GRM7: variants seen among roughly 807,000 people sequenced by gnomAD.
GRM7 encodes the protein metabotropic glutamate receptor 7.
A neutral mutation model predicts 84.5 loss-of-function variants in GRM7; 35 were observed. The observed-to-expected ratio is 0.41, with a 90% CI of 0.32 to 0.55. The LOEUF (loss-of-function observed/expected upper bound fraction) is 0.55. Ranked by LOEUF, GRM7 falls within the 20% of genes least tolerant of loss-of-function variation. GRM7 has a pLI of 0.19. For synonymous variants in GRM7, 487 were observed against 455.1 expected (o/e 1.07, Z -0.89); for missense variants, 1,003 against 1,194.6 (o/e 0.84, Z 2.36).
intron 4 of GRM7, among the ~76,000 whole-genome samples, chr3:7,309,191 T>C (rs2125038629): frequency 6.6e-6 from 1 of 152,336 alleles, no homozygotes; most frequent in African/African-American, 2.4e-5. Context: ...TTCACTTTCG[T>C]AGCAGACAGA....
intron 1 of GRM7, among the ~76,000 whole-genome samples, chr3:7,137,888 A>T (rs1693821012): frequency 6.6e-6 from 1 of 152,116 alleles, no homozygotes; most frequent in Non-Finnish European, 1.5e-5. Context: ...CTGTCAGTTC[A>T]TTCAAACTGA....
chr3:6,953,545 A>G (rs1434622616), intron 1 of GRM7, among the ~76,000 whole-genome samples: 1 of 152,186 alleles, frequency 6.6e-6, no homozygotes, highest in African/African-American at 2.4e-5. Flanking sequence ...AGTAGCCTCA[A>G]TGTCTCTTTC....
chr3:7,471,280 A>C (rs895221184), intron 7 of GRM7, among the ~76,000 whole-genome samples: 1 of 151,948 alleles, frequency 6.6e-6, no homozygotes, highest in East Asian at 1.9e-4. Flanking sequence ...TCTTTAGGTT[A>C]GAAGTCCAAC....
chr3:6,912,951 G>A (rs562387077), intron 1 of GRM7, among the ~76,000 whole-genome samples: 2 of 152,216 alleles, frequency 1.3e-5, no homozygotes, highest in East Asian at 3.9e-4. Context: ...ATTACATGTT[G>A]TTTTGAGTGA....
At chr3:7,102,610 C>CA (rs1404440465) in intron 1 of GRM7, among the ~76,000 whole-genome samples, 1 of 151,664 alleles carries the variant, frequency 6.6e-6, no homozygotes, top group Non-Finnish European at 1.5e-5. Context: ...AATTGGAGAA[C>CA]ATTTATCTAG....
At chr3:7,345,661 A>G (rs1197743359) in intron 4 of GRM7, among the ~76,000 whole-genome samples, 1 of 152,084 alleles carries the variant, frequency 6.6e-6, no homozygotes, top group South Asian at 2.1e-4. Flanking sequence ...TAATAAATAC[A>G]TATTTGAATA....
intron 8 of GRM7, among the ~76,000 whole-genome samples, chr3:7,597,041 C>T (rs899809752): frequency 2.6e-5 from 4 of 152,090 alleles, no homozygotes; most frequent in South Asian, 4.2e-4. Context: ...CATTATTATT[C>T]GGCTATAAAG....
chr3:7,572,955 A>G (rs1032873844), intron 7 of GRM7, among the ~76,000 whole-genome samples: 2 of 146,852 alleles, frequency 1.4e-5, no homozygotes, highest in African/African-American at 5.0e-5. Context: ...TAAGTTTTGA[A>G]TAAGTGGAAT....
chr3:7,677,262 T>TAAAA (rs557488794), intron 8 of GRM7, among the ~76,000 whole-genome samples: 576 of 36,076 alleles, frequency 0.016, 5 homozygotes, highest in South Asian at 0.057. Flanking sequence ...ACTCTGTCTT[T>TAAAA]AAAAAAAAAA....
chr3:7,529,912 C>CT (rs58585620), intron 7 of GRM7, among the ~76,000 whole-genome samples: 56,282 of 139,824 alleles, frequency 0.4, 11,764 homozygotes, highest in East Asian at 0.52. Context: ...AGGACCTTTT[C>CT]TTTTTTTTTT....
intron 2 of GRM7, among the ~76,000 whole-genome samples, chr3:7,257,830 C>A (rs1698264748): frequency 6.6e-6 from 1 of 152,114 alleles, no homozygotes; most frequent in Non-Finnish European, 1.5e-5. Context: ...CTGAGATATT[C>A]CTACACTGAG....
chr3:6,997,734 G>C (rs1245245578), intron 1 of GRM7, among the ~76,000 whole-genome samples: 1 of 152,088 alleles, frequency 6.6e-6, no homozygotes. Context: ...CTTCCCAACA[G>C]TTCCCCAAAG....
rs369799542 is a variant in GRM7 at position 7,326,833 on chromosome 3, C to CAA, written c.1033+20196_1033+20197dup. On this transcript the variant is annotated intron_variant, in intron 4 of 9. Transcript: ENST00000357716. ...TGGGCAACACAGTGGAACTCCGTCTCAAAAAAAAAAAAAAAAGTTTATCCC... is the reference window on the plus strand; with the variant it reads ...TGGGCAACACAGTGGAACTCCGTCTCAAAAAAAAAAAAAAAAAAGTTTATCCC... Among the ~76,000 whole-genome samples, 936 of 109,916 alleles carry CAA rather than the reference C, an allele frequency of 8.5e-3. 2 individuals are homozygous for CAA. The highest frequency in any genetic ancestry group is 0.011 in the Non-Finnish European group (609 of 53,308). 72.1% of individuals were successfully genotyped at this position (109,916 alleles called of 152,430 possible). A position where few individuals can be genotyped will look rare whatever the true frequency, so the allele number is the denominator to read the frequency against.
chr3:7,110,385 C>T (rs921830594), intron 1 of GRM7, among the ~76,000 whole-genome samples: 2 of 151,932 alleles, frequency 1.3e-5, no homozygotes, highest in African/African-American at 4.8e-5. Context: ...TGTATCACTT[C>T]AGGTCAGGAG....
At chr3:7,108,758 A>G (rs779693706) in intron 1 of GRM7, among the ~76,000 whole-genome samples, 3 of 152,092 alleles carry the variant, frequency 2.0e-5, no homozygotes, top group Non-Finnish European at 4.4e-5. Context: ...AATAAATCAC[A>G]TAACATACAA....
chr3:7,031,020 A>G (rs1027861781), intron 1 of GRM7, among the ~76,000 whole-genome samples: 39 of 152,222 alleles, frequency 2.6e-4, no homozygotes, highest in African/African-American at 7.7e-4. Context: ...GTTTGTAGCA[A>G]GAAATACTTT....
intron 1 of GRM7, among the ~76,000 whole-genome samples, chr3:7,137,294 A>T (rs769423851): frequency 1.3e-5 from 2 of 152,120 alleles, no homozygotes; most frequent in Non-Finnish European, 2.9e-5. Context: ...TTAAAGGTAA[A>T]ATTAGAAACC....
At chr3:7,187,416 A>T (rs1348307766) in intron 2 of GRM7, among the ~76,000 whole-genome samples, 1 of 152,088 alleles carries the variant, frequency 6.6e-6, no homozygotes, top group East Asian at 1.9e-4. Flanking sequence ...GCTAGGATAT[A>T]TTTATTGTAG....
chr3:7,066,098 C>T (rs9817008), intron 1 of GRM7, among the ~76,000 whole-genome samples: 2 of 151,674 alleles, frequency 1.3e-5, no homozygotes, highest in Non-Finnish European at 2.9e-5. Flanking sequence ...AACAGACAAT[C>T]TAAGGTCACA....
Sources: gnomAD v4.1 joint callset for allele counts (sites outside exome capture counted in the v4.1 genomes callset) on GRCh38, gnomAD v4.1.1 for gene constraint, MANE v1.5 for transcripts, NCBI Gene and HGNC (gene_info 2026-07-23, HGNC 2026-07-21) for gene names.